ADAM2: variants seen among roughly 807,000 people sequenced by gnomAD.
ADAM2 encodes the protein disintegrin and metalloproteinase domain-containing protein 2.
ADAM2 carries 101 observed loss-of-function variants against 99.3 expected under a neutral mutation model. The ratio of observed to expected loss-of-function variants is 1.02; its 90% CI spans 0.87 to 1.20. The LOEUF is 1.20. ADAM2 is among the 50% of genes most tolerant of loss of function. The pLI, the probability that ADAM2 is intolerant of heterozygous loss-of-function variation, is 0.00. For synonymous variants in ADAM2, 323 were observed against 287.6 expected, an observed-to-expected ratio of 1.12 and a Z score of -1.25; for missense variants, 948 against 878.7, an observed-to-expected ratio of 1.08 and a Z score of -1.00.
chr8:39,830,383 A>T (rs1194185448), intron 3 of ADAM2, among the ~76,000 whole-genome samples: 1 of 152,214 alleles, frequency 6.6e-6, no homozygotes, highest in East Asian at 1.9e-4. Flanking sequence ...AAATAACCAC[A>T]CCCATCATTT....
At chr8:39,838,105 G>A (rs759144511) in intron 1 of ADAM2, 26 bp downstream of exon 1, 2 of 1,613,512 alleles carry the variant, frequency 1.2e-6, no homozygotes, top group South Asian at 2.2e-5. Flanking sequence ...GTCCCAAAAG[G>A]CCAGAGGAGG....
Position 39,766,938 on chromosome 8 carries a change from T to G in ADAM2, c.1417A>C (p.Thr473Pro), listed in dbSNP as rs149459252. The G allele has an allele frequency of 1.2e-6, 2 of 1,614,022 alleles. No homozygotes were observed. Among genetic ancestry groups the G allele is most frequent in the Admixed American group, 1.7e-5 (1 of 60,006 alleles). The change falls in exon 14 of 21, where the codon ACT becomes CCT. Residue 473 changes from threonine to proline, a missense_variant. Transcript: ENST00000265708. ...ASCPENHYVQ[T>P]GHPCGLNQWI... ...TGATTCAGTCCACACGGATGCCCAG[T>G]CTGAACATAGTGGTTTTCTGGGCAT...
chr8:39,755,961 C>G (rs780521135), intron 15 of ADAM2, 50 bp from the exon 16 acceptor site: 1 of 1,026,304 alleles, frequency 9.7e-7, no homozygotes, highest in Admixed American at 2.5e-5. Context: ...TAGAGAAGTA[C>G]AAGAATATAA....
intron 10 of ADAM2, among the ~76,000 whole-genome samples, chr8:39,786,003 G>A (rs529755623): frequency 2.6e-5 from 4 of 152,236 alleles, no homozygotes; most frequent in Admixed American, 2.6e-4. Flanking sequence ...CATAGCCTTT[G>A]CAGCAACATG....
chr8:39,752,812 A>G (rs931290017), intron 16 of ADAM2, among the ~76,000 whole-genome samples: 4 of 151,776 alleles, frequency 2.6e-5, no homozygotes, highest in Non-Finnish European at 5.9e-5. Flanking sequence ...CCCTGCACAC[A>G]CTCTCTTGCC....
rs1436800050 is a variant in ADAM2, at chr8:39,746,637, A to G, written c.2015-6T>C. 1 of 1,559,582 alleles carries G rather than the reference A, an allele frequency of 6.4e-7. No individual in the cohort carries two copies. Among genetic ancestry groups the G allele is most frequent in the Admixed American group, 2.2e-5 (1 of 45,944 alleles). ...GTTCTCAATGTAGCGCCTTTCTAGA[A>G]GAAAAAAAAATCAAAGATTTGAAAG... On this transcript the variant is annotated splice_region_variant and splice_polypyrimidine_tract_variant and intron_variant, in intron 18 of 20. Transcript: ENST00000265708.
chr8:39,807,271 T>G (rs1454439979), intron 7 of ADAM2, among the ~76,000 whole-genome samples: 1 of 152,232 alleles, frequency 6.6e-6, no homozygotes, highest in Non-Finnish European at 1.5e-5. Context: ...GTTCTACTTA[T>G]CAGGTTTCAT....
chr8:39,817,471 A>T (rs1438990145), intron 6 of ADAM2, among the ~76,000 whole-genome samples: 1 of 152,170 alleles, frequency 6.6e-6, no homozygotes, highest in East Asian at 1.9e-4. Flanking sequence ...GTTTTCAAGT[A>T]GCTTAAAGAG....
At chr8:39,796,492 C>T (rs919188138) in intron 7 of ADAM2, among the ~76,000 whole-genome samples, 34 of 152,216 alleles carry the variant, frequency 2.2e-4, no homozygotes, top group Admixed American at 8.5e-4. Flanking sequence ...AGTAGTGCTG[C>T]AATAAACATA....
Position 39,825,986 on chromosome 8 carries a change from T to A in ADAM2, c.189-1089A>T, listed in dbSNP as rs572056457. The stretch of plus-strand genomic sequence containing the variant: ...TAGATTGCTTTGGGTACTATGGACA[T>A]TTTAGCAATATTTATTTTTCCAGTT... On this transcript the variant is annotated intron_variant, in intron 3 of 20. Coordinates refer to ENST00000265708, the MANE Select transcript of ADAM2 (RefSeq NM_001464.5). Among the ~76,000 whole-genome samples, 3 of 152,338 alleles carry A rather than the reference T, an allele frequency of 2.0e-5. No homozygotes were observed. In the East Asian group the frequency reaches 5.8e-4, roughly 29 times the overall value.
chr8:39,822,469 G>A lies in ADAM2; in HGVS notation c.268-807C>T, dbSNP rs967119332. ...TTCACTTATTACCCAATATCCTTTC[G>A]CAGTTTATTTTTATCTTTTATTTTT... On this transcript the variant is annotated intron_variant, in intron 4 of 20. Transcript: ENST00000265708. Among the ~76,000 whole-genome samples the A allele has an allele frequency of 6.8e-5, 10 of 147,406 alleles. No individual in the cohort carries two copies. The South Asian group carries it at 8.7e-4, about 13-fold the overall frequency.
chr8:39,810,419 C>G (rs1804646948), intron 6 of ADAM2, among the ~76,000 whole-genome samples: 1 of 152,196 alleles, frequency 6.6e-6, no homozygotes, highest in African/African-American at 2.4e-5. Flanking sequence ...GAACTCAGCT[C>G]TGCACCAAGT....
intron 7 of ADAM2, among the ~76,000 whole-genome samples, chr8:39,794,404 G>A (rs948727695): frequency 6.6e-6 from 1 of 152,098 alleles, no homozygotes; most frequent in Admixed American, 6.6e-5. Context: ...TGCATGAAAA[G>A]TTAGCTATAG....
intron 11 of ADAM2, among the ~76,000 whole-genome samples, chr8:39,772,028 T>C (rs1458725787): frequency 1.3e-5 from 2 of 149,212 alleles, no homozygotes; most frequent in Admixed American, 6.7e-5. Flanking sequence ...TGTATACATA[T>C]GTAACAAACC....
intron 12 of ADAM2, 43 bp downstream of exon 12, chr8:39,769,349 T>A (rs1423102136): frequency 6.8e-7 from 1 of 1,472,818 alleles, no homozygotes; most frequent in Non-Finnish European, 9.3e-7. Flanking sequence ...ATAAGTAATT[T>A]TTGCTGCAAT....
intron 19 of ADAM2, 28 bp from the exon 20 acceptor site, chr8:39,744,921 A>T (rs1346474241): frequency 5.8e-6 from 9 of 1,545,764 alleles, no homozygotes; most frequent in Non-Finnish European, 8.0e-6. Flanking sequence ...AAATAATATT[A>T]TACTTTCTTC....
chr8:39,819,569 T>C (rs1052312820), intron 6 of ADAM2, among the ~76,000 whole-genome samples: 4 of 152,138 alleles, frequency 2.6e-5, no homozygotes, highest in African/African-American at 9.7e-5. Flanking sequence ...GGTAAAGCTC[T>C]AGTAAAGCAC....
chr8:39,753,439 C>A (rs560318324), intron 16 of ADAM2, among the ~76,000 whole-genome samples: 35 of 150,100 alleles, frequency 2.3e-4, no homozygotes, highest in African/African-American at 8.1e-4. Flanking sequence ...AAAAAAAAAA[C>A]CCATGTTCTG....
chr8:39,785,566 CG>C (rs897288271), intron 10 of ADAM2, among the ~76,000 whole-genome samples: 1 of 152,058 alleles, frequency 6.6e-6, no homozygotes, highest in African/African-American at 2.4e-5. Flanking sequence ...GAGACCAAGG[CG>C]GGGGGATCAC....
Sources: gnomAD v4.1 joint callset for allele counts (sites outside exome capture counted in the v4.1 genomes callset) on GRCh38, gnomAD v4.1.1 for gene constraint, MANE v1.5 for transcripts, NCBI Gene and HGNC (gene_info 2026-07-23, HGNC 2026-07-21) for gene names.